The following RTN4IP1 variants were observed in gnomAD, a reference collection of about 807,000 sequenced individuals.
The protein encoded by RTN4IP1 is NAD(P)H oxidoreductase RTN4IP1, mitochondrial.
A neutral mutation model predicts 46.6 loss-of-function variants in RTN4IP1; 32 were observed. The observed-to-expected ratio is 0.69, with a 90% CI of 0.52 to 0.92. RTN4IP1 has a LOEUF of 0.92. RTN4IP1 is among the 40% of genes least tolerant of loss of function. The pLI is 0.00. For missense variants in RTN4IP1, 424 were observed against 485.8 expected (o/e 0.87, Z 1.20); for synonymous variants, 167 against 161.8 (o/e 1.03, Z -0.24).
chr6:106,588,258 G>C (rs1775534554), intron 6 of RTN4IP1, among the ~76,000 whole-genome samples: 1 of 152,172 alleles, frequency 6.6e-6, no homozygotes, highest in African/African-American at 2.4e-5. Flanking sequence ...TGCCAAGGTT[G>C]AGAAAGTCTG....
rs1776515147 is a variant in RTN4IP1, at chr6:106,622,823, C to T, written c.421G>A (p.Asp141Asn). Residue 141 changes from aspartate (D) to asparagine (N), a missense_variant, in exon 2 of 9, where the codon GAT becomes AAT. By Grantham distance (23) the Asp-to-Asn change is conservative (BLOSUM62 1). Coordinates refer to ENST00000369063, the MANE Select transcript of RTN4IP1 (RefSeq NM_032730.5). ...GLDVKYFKPG[D>N]EVWAAVPPWK... ...AGTGGCATTCCCTAACTCACCTCAT[C>T]TCCAGGCTTGAAGTATTTCACATCA... 1.2e-6 allele frequency: 2 copies of T among 1,612,882 alleles called. No homozygotes were observed. Among genetic ancestry groups the T allele is most frequent in the East Asian group, 2.2e-5 (1 of 44,858 alleles).
intron 4 of RTN4IP1, among the ~76,000 whole-genome samples, chr6:106,612,933 T>A (rs72945059): frequency 0.073 from 11,048 of 152,276 alleles, 591 homozygotes; most frequent in East Asian, 0.2. Context: ...TCGCCATTGT[T>A]CCATCTGTAA....
At chr6:106,584,462 G>A (rs994216831) in intron 7 of RTN4IP1, among the ~76,000 whole-genome samples, 1 of 152,240 alleles carries the variant, frequency 6.6e-6, no homozygotes, top group Non-Finnish European at 1.5e-5. Flanking sequence ...CTTACACTCA[G>A]TATGATATAA....
intron 5 of RTN4IP1, among the ~76,000 whole-genome samples, chr6:106,596,699 T>C (rs1775801336): frequency 6.6e-6 from 1 of 152,216 alleles, no homozygotes; most frequent in African/African-American, 2.4e-5. Flanking sequence ...TGTTGAACAT[T>C]TACCACTAGT....
chr6:106,587,695 C>T lies in RTN4IP1; in HGVS notation c.974G>A (p.Gly325Asp). 1.2e-6 allele frequency: 2 copies of T among 1,612,362 alleles called. No individual in the cohort carries two copies. The highest frequency in any genetic ancestry group is 1.7e-6 in the Non-Finnish European group (2 of 1,179,648). Residue 325 changes from glycine to aspartate, a missense_variant, in exon 7 of 9, where the codon GGT (glycine) becomes GAT (aspartate). Gly to Asp is a moderately conservative substitution (Grantham distance 94). Coordinates refer to ENST00000369063, the MANE Select transcript of RTN4IP1 (RefSeq NM_032730.5). The part of the protein sequence containing the change: ...DGMLQTGVTV[G>D]SKALKHFWKG... ...TCTTCCTACCTTTAATGCCTTTGAA[C>T]CTACAGTGACTCCTGTCTGCAACAT... is the stretch of plus-strand genomic sequence containing the variant.
intron 3 of RTN4IP1, among the ~76,000 whole-genome samples, 183 bp downstream of exon 3, chr6:106,621,242 G>A (rs936738380): frequency 2.0e-5 from 3 of 152,126 alleles, no homozygotes; most frequent in African/African-American, 7.2e-5. Context: ...TACGTTAGCA[G>A]GCAGTGTTAC....
intron 6 of RTN4IP1, 129 bp from the exon 7 acceptor site, chr6:106,587,991 G>A (rs547123307): frequency 3.0e-5 from 22 of 732,982 alleles, no homozygotes; most frequent in Admixed American, 3.0e-4. Flanking sequence ...GCTGCACCTC[G>A]CCATCCTGCA....
chr6:106,628,354 C>G (rs973154010), intron 1 of RTN4IP1, among the ~76,000 whole-genome samples: 2 of 151,916 alleles, frequency 1.3e-5, no homozygotes, highest in Non-Finnish European at 2.9e-5. Context: ...GTAATCCCAG[C>G]TACTCGGGAG....
chr6:106,630,211 G>C (rs775630736), upstream of RTN4IP1, among the ~76,000 whole-genome samples: 1 of 152,174 alleles, frequency 6.6e-6, no homozygotes, highest in Non-Finnish European at 1.5e-5. Flanking sequence ...TGGACGTCGT[G>C]TTTGAATTCT....
intron 4 of RTN4IP1, among the ~76,000 whole-genome samples, chr6:106,611,759 C>A (rs1051758101): frequency 6.6e-6 from 1 of 152,194 alleles, no homozygotes; most frequent in Non-Finnish European, 1.5e-5. Context: ...TCCTCTTCTT[C>A]TAAGCCTCTG....
chr6:106,602,789 G>T, intron 5 of RTN4IP1, 85 bp downstream of exon 5: 1 of 919,906 alleles, frequency 1.1e-6, no homozygotes, highest in Non-Finnish European at 1.6e-6. Context: ...CTTTCTCTCA[G>T]CTTTTAAGGA....
chr6:106,618,616 AC>A (rs1261520755), intron 4 of RTN4IP1, among the ~76,000 whole-genome samples: 1 of 152,216 alleles, frequency 6.6e-6, no homozygotes, highest in Non-Finnish European at 1.5e-5. Flanking sequence ...AAACTCAAGT[AC>A]ATCTGAGACA....
chr6:106,621,399 G>A (rs1178653335), intron 3 of RTN4IP1, 26 bp downstream of exon 3: 5 of 1,540,172 alleles, frequency 3.2e-6, no homozygotes, highest in East Asian at 2.2e-5. Context: ...ACTTTCTAAT[G>A]CATTTCAGCA....
At chr6:106,583,285 A>C in intron 8 of RTN4IP1, 43 bp downstream of exon 8, 4 of 1,514,376 alleles carry the variant, frequency 2.6e-6, no homozygotes, top group Non-Finnish European at 3.7e-6. Context: ...GAGGTGCTGT[A>C]GAAATACAAA....
intron 8 of RTN4IP1, among the ~76,000 whole-genome samples, chr6:106,582,711 G>A (rs1775397671): frequency 1.3e-5 from 2 of 152,126 alleles, no homozygotes; most frequent in Admixed American, 6.6e-5. Context: ...AAATAAGCAG[G>A]TGGCAGCTGA....
intron 8 of RTN4IP1, among the ~76,000 whole-genome samples, chr6:106,577,804 G>A (rs1308585427): frequency 6.6e-6 from 1 of 152,146 alleles, no homozygotes; most frequent in Non-Finnish European, 1.5e-5. Flanking sequence ...AGAGGTTGGA[G>A]TGATGTAGCC....
chr6:106,586,037 A>C (rs1341912846), intron 7 of RTN4IP1, among the ~76,000 whole-genome samples: 1 of 152,154 alleles, frequency 6.6e-6, no homozygotes, highest in Non-Finnish European at 1.5e-5. Flanking sequence ...AAAATAAAGA[A>C]CACCACAGTG....
intron 5 of RTN4IP1, among the ~76,000 whole-genome samples, chr6:106,598,640 G>T (rs1370648594): frequency 3.9e-5 from 6 of 152,014 alleles, no homozygotes; most frequent in South Asian, 2.1e-4. Flanking sequence ...CTCCCACGTT[G>T]TAGGCTGCCT....
chr6:106,591,206 C>T (rs748259111), intron 6 of RTN4IP1, among the ~76,000 whole-genome samples: 2 of 152,152 alleles, frequency 1.3e-5, no homozygotes, highest in East Asian at 1.9e-4. Context: ...CCACTAAAAC[C>T]GCCCAAACAA....
Sources: allele counts gnomAD v4.1 joint callset (sites outside exome capture counted in the v4.1 genomes callset), GRCh38; gene constraint gnomAD v4.1.1; transcripts MANE v1.5; gene names NCBI Gene and HGNC (gene_info 2026-07-23, HGNC 2026-07-21).